The following CENPE variants were observed in gnomAD, a reference collection of about 807,000 sequenced individuals.
CENPE encodes the protein centromere-associated protein E.
CENPE carries 145 observed loss-of-function variants against 336.1 expected under a neutral mutation model. The observed-to-expected ratio is 0.43, with a 90% CI of 0.38 to 0.50. The LOEUF (loss-of-function observed/expected upper bound fraction) is 0.50, where lower values mean the gene tolerates loss of function less well. Among genes scored for constraint, CENPE ranks in the 20% least tolerant of loss-of-function variants. The probability of loss-of-function intolerance (pLI) is 0.00; values close to 1 mark genes in which losing one functional copy is unlikely to be tolerated. For missense variants in CENPE, 2,719 were observed against 3,023.3 expected, an observed-to-expected ratio of 0.90 and a Z score of 2.36; for synonymous variants, 1,013 against 984.8, an observed-to-expected ratio of 1.03 and a Z score of -0.54.
chr4:103,120,823 C>T (rs1378049603), intron 43 of CENPE, among the ~76,000 whole-genome samples: 5 of 151,914 alleles, frequency 3.3e-5, no homozygotes, highest in African/African-American at 7.3e-5. Context: ...GCAACCTCCA[C>T]CTCCTGGATT....
Position 103,161,195 on chromosome 4 carries a change from G to T in CENPE, c.2022C>A (p.Ser674Arg). 1 of 1,611,428 alleles carries T rather than the reference G, an allele frequency of 6.2e-7. No homozygotes were observed. Among genetic ancestry groups the T allele is most frequent in the Non-Finnish European group, 8.5e-7 (1 of 1,178,856 alleles). Reference protein sequence around the residue: ...QMENDIQLYQSQLEAKKKMQV... With the variant: ...QMENDIQLYQRQLEAKKKMQV... ...GCATTTTCTTTTTTGCCTCCAACTG[G>T]CTTTGATATAACTGAATATCATTTT... is the stretch of plus-strand genomic sequence containing the variant. The change falls in exon 20 of 49, where the codon AGC (serine) becomes AGA (arginine). Residue 674 changes from serine (S) to arginine (R), a missense_variant. Coordinates refer to ENST00000265148, the MANE Select transcript of CENPE (RefSeq NM_001813.3).
chr4:103,127,668 G>A (rs1333760748), intron 42 of CENPE, among the ~76,000 whole-genome samples: 1 of 152,116 alleles, frequency 6.6e-6, no homozygotes, highest in Non-Finnish European at 1.5e-5. Flanking sequence ...GTTATTATAA[G>A]GTACTTATAT....
intron 20 of CENPE, 61 bp from the exon 21 acceptor site, chr4:103,160,840 T>C (rs1398446436): frequency 7.2e-7 from 1 of 1,393,732 alleles, no homozygotes; most frequent in Non-Finnish European, 9.7e-7. Context: ...ATTTAATTTT[T>C]AATTGTCCTT....
chr4:103,196,107 T>C (rs1757712136), intron 3 of CENPE, 56 bp downstream of exon 3: 1 of 1,578,958 alleles, frequency 6.3e-7, no homozygotes, highest in Non-Finnish European at 8.7e-7. Flanking sequence ...CTATGCATGC[T>C]TGTTGCACAG....
At chr4:103,131,603 T>C (rs970682671) in intron 42 of CENPE, among the ~76,000 whole-genome samples, 1 of 152,204 alleles carries the variant, frequency 6.6e-6, no homozygotes, top group African/African-American at 2.4e-5. Context: ...CATTCCTTGA[T>C]ATTTACTCAA....
chr4:103,174,793 T>C lies in CENPE; in HGVS notation c.1590A>G (p.Glu530=). ...EKEEMELKLK[E]KNDLDEFEAL... is the part of the protein sequence containing the mutation. The stretch of plus-strand genomic sequence containing the variant: ...CCTCAAATTCATCCAAATCATTCTT[T>C]TCTTTTAATTTCAATTCCATTTCTT... Residue 530 remains glutamate (E), a synonymous_variant, in exon 16 of 49, where the codon GAA becomes GAG. Coordinates refer to ENST00000265148, the MANE Select transcript of CENPE (RefSeq NM_001813.3). 6.4e-7 allele frequency: 1 copy of C among 1,553,686 alleles called. No individual in the cohort carries two copies. The highest frequency in any genetic ancestry group is 2.0e-5 in the Admixed American group (1 of 51,268).
intron 20 of CENPE, 81 bp from the exon 21 acceptor site, chr4:103,160,860 T>C (rs1754385266): frequency 8.0e-7 from 1 of 1,246,004 alleles, no homozygotes; most frequent in Non-Finnish European, 1.1e-6. Context: ...TGAATCACCT[T>C]TTTCAGGATC....
At chr4:103,121,170 T>C (rs1275337144) in intron 43 of CENPE, among the ~76,000 whole-genome samples, 1 of 152,222 alleles carries the variant, frequency 6.6e-6, no homozygotes, top group African/African-American at 2.4e-5. Context: ...GGTGTATCCT[T>C]CCAGAAATTT....
At position 103,117,622 on chromosome 4, in the gene CENPE, C is replaced by CTT. The variant is rs771337112; in HGVS notation, c.7330-935_7330-934dup. Among the ~76,000 whole-genome samples the CTT allele has an allele frequency of 4.7e-3, 544 of 115,030 alleles. 6 individuals are homozygous for CTT. The highest frequency in any genetic ancestry group is 0.019 in the African/African-American group (519 of 27,168). 75.5% of individuals were successfully genotyped at this position (115,030 alleles called of 152,430 possible). A position where few individuals can be genotyped will look rare whatever the true frequency, so the allele number is the denominator to read the frequency against. On this transcript the variant is annotated intron_variant, in intron 44 of 48. Transcript: ENST00000265148. ...ATTAAAAGTCCACTCATTTTCTTTC[C>CTT]TTTTTTTTTTTTTTTTTTTTTTTAA...
At chr4:103,178,997 T>G (rs558446336) in intron 13 of CENPE, among the ~76,000 whole-genome samples, 29 of 152,296 alleles carry the variant, frequency 1.9e-4, no homozygotes, top group African/African-American at 6.5e-4. Flanking sequence ...GCCTGACATC[T>G]CAAACAAAAG....
In CENPE at chr4:103,120,304, A is replaced by C. The variant is rs1195686700; in HGVS notation, c.7173T>G (p.His2391Gln). Residue 2391 changes from histidine (H) to glutamine (Q), a missense_variant, in exon 44 of 49, where the codon CAT (histidine) becomes CAG (glutamine). Transcript: ENST00000265148. ...TATGCATAGCACTTTCTTTAGCTTCATGCAGTGAATTTTCCAGCTCTCGAA... is the reference window on the plus strand; with the variant it reads ...TATGCATAGCACTTTCTTTAGCTTCCTGCAGTGAATTTTCCAGCTCTCGAA... Reference protein sequence around the residue: ...EKIRELENSLHEAKESAMHKE... With the variant: ...EKIRELENSLQEAKESAMHKE... 6.2e-6 allele frequency: 10 copies of C among 1,608,436 alleles called. No homozygotes were observed. The highest frequency in any genetic ancestry group is 8.5e-6 in the Non-Finnish European group (10 of 1,178,748).
Position 103,192,248 on chromosome 4 carries a change from A to G in CENPE, c.693+1981T>C, listed in dbSNP as rs72946185. ...GCACAGTGTCCACTACAGATGACAC[A>G]GATACATAATAAAAGGGCAAAGTGG... On this transcript the variant is annotated intron_variant, in intron 8 of 48. Transcript: ENST00000265148. Among the ~76,000 whole-genome samples the G allele has an allele frequency of 1.0e-2, 1,522 of 152,316 alleles. 30 individuals carry two copies. Among genetic ancestry groups the G allele is most frequent in the African/African-American group, 0.034 (1,432 of 41,558 alleles).
At chr4:103,173,215 CT>C (rs1755560740) in intron 16 of CENPE, among the ~76,000 whole-genome samples, 1 of 151,994 alleles carries the variant, frequency 6.6e-6, no homozygotes, top group African/African-American at 2.4e-5. Context: ...ATACAGTCAA[CT>C]GATTTTTGAC....
chr4:103,117,934 T>A (rs1750287372), intron 44 of CENPE, among the ~76,000 whole-genome samples: 1 of 152,216 alleles, frequency 6.6e-6, no homozygotes, highest in Admixed American at 6.5e-5. Context: ...AGCCCTCTCA[T>A]TTCTTTTAAT....
At chr4:103,143,196 A>C (rs1385716540) in intron 34 of CENPE, 52 bp downstream of exon 34, 18 of 1,333,908 alleles carry the variant, frequency 1.3e-5, no homozygotes, top group Non-Finnish European at 1.9e-5. Flanking sequence ...TTCATTACAC[A>C]AAAAGTTTGA....
chr4:103,195,050 C>T, intron 5 of CENPE, 64 bp downstream of exon 5: 1 of 1,393,444 alleles, frequency 7.2e-7, no homozygotes, highest in Non-Finnish European at 9.6e-7. Context: ...TAAAGGTAAA[C>T]ATTCAAGAAC....
intron 34 of CENPE, among the ~76,000 whole-genome samples, chr4:103,143,011 A>G (rs1297808036): frequency 2.7e-5 from 4 of 145,728 alleles, no homozygotes; most frequent in Non-Finnish European, 5.9e-5. Flanking sequence ...CTCAAAAAAA[A>G]AAAAAAAAAA....
chr4:103,114,520 T>A lies in CENPE; in HGVS notation c.7475A>T (p.Gln2492Leu). 1.2e-6 allele frequency: 2 copies of A among 1,611,332 alleles called. No individual in the cohort carries two copies. Among genetic ancestry groups the A allele is most frequent in the Non-Finnish European group, 1.7e-6 (2 of 1,178,848 alleles). Residue 2492 changes from glutamine to leucine, a missense_variant, in exon 46 of 49, where the codon CAA (glutamine) becomes CTA (leucine). Physicochemically the swap from Gln to Leu is moderately radical, Grantham distance 113. Transcript: ENST00000265148. ...ISATKATVEY[Q>L]KEVIRLLREN... Reference sequence around the variant, plus strand: ...TCTCAATAGCCTTATAACTTCCTTTTGATATTCTACAGTGGCTTTTGTAGC... The same window carrying A: ...TCTCAATAGCCTTATAACTTCCTTTAGATATTCTACAGTGGCTTTTGTAGC...
At position 103,158,719 on chromosome 4, in the gene CENPE, T is replaced by G. The variant is rs1443563114; in HGVS notation, c.2769A>C (p.Glu923Asp). Residue 923 changes from glutamate (E) to aspartate (D), a missense_variant, in exon 23 of 49, where the codon GAA becomes GAC. Glu to Asp is a conservative substitution (Grantham distance 45). Around this residue, in one of 5 missense-constraint regions of CENPE, gnomAD observed 2,437 missense variants for 2,513.3 expected, o/e 0.97. Transcript: ENST00000265148. ...ITEKLQQTLEEVKTLTQEKDD... is the reference protein window; with the variant it reads ...ITEKLQQTLEDVKTLTQEKDD... ...CTTTTTCTTGAGTTAAAGTTTTTACTTCTTCTAAAGTTTGCTGCAGTTTCT... is the reference window on the plus strand; with the variant it reads ...CTTTTTCTTGAGTTAAAGTTTTTACGTCTTCTAAAGTTTGCTGCAGTTTCT... 2 of 1,613,078 alleles carry G rather than the reference T, an allele frequency of 1.2e-6. No individual in the cohort carries two copies. Among genetic ancestry groups the G allele is most frequent in the Non-Finnish European group, 1.7e-6 (2 of 1,179,436 alleles).
Sources: gnomAD v4.1 joint callset for allele counts (sites outside exome capture counted in the v4.1 genomes callset) on GRCh38, gnomAD v4.1.1 for gene constraint, gnomAD v4.1.1 regional missense constraint, MANE v1.5 for transcripts, NCBI Gene and HGNC (gene_info 2026-07-23, HGNC 2026-07-21) for gene names.